ATP10D: variants seen among roughly 807,000 people sequenced by gnomAD.
ATP10D encodes ATPase phospholipid transporting 10D (putative).
In ATP10D, 89 loss-of-function variants were observed where a neutral mutation model predicts 144.8. The observed-to-expected ratio is 0.61, with a 90% CI of 0.52 to 0.73. ATP10D has a LOEUF of 0.73. Ranked by LOEUF, ATP10D falls within the 30% of genes least tolerant of loss-of-function variation. The probability of loss-of-function intolerance (pLI) is 0.00; values close to 1 mark genes in which losing one functional copy is unlikely to be tolerated. For synonymous variants in ATP10D, 571 were observed against 615.1 expected, an observed-to-expected ratio of 0.93 and a Z score of 1.06; for missense variants, 1,603 against 1,714.8, an observed-to-expected ratio of 0.93 and a Z score of 1.15.
chr4:47,525,520 T>C lies in ATP10D; in HGVS notation c.691-37T>C, dbSNP rs6447564. On this transcript the variant is annotated intron_variant, in intron 4 of 22. Transcript: ENST00000273859. The stretch of plus-strand genomic sequence containing the variant: ...ACACTTCAATATTAAGGGTTTAACC[T>C]TGAATTCTTATTTTGTGATTCAAAA... The C allele has an allele frequency of 3.4e-6, 5 of 1,454,652 alleles. No homozygotes were observed. In the South Asian group the frequency reaches 5.7e-5, roughly 17 times the overall value. The allele number at this position is 1,454,652 out of a possible 1,614,324, so 90.1% of individuals were successfully genotyped here.
chr4:47,525,752 G>T, intron 5 of ATP10D, 110 bp downstream of exon 5: 1 of 907,836 alleles, frequency 1.1e-6, no homozygotes, highest in Non-Finnish European at 1.7e-6. Context: ...ATCACTAAAG[G>T]TCGTAACTTT....
chr4:47,493,841 GCT>G (rs1294600631), intron 1 of ATP10D, among the ~76,000 whole-genome samples: 3 of 152,148 alleles, frequency 2.0e-5, no homozygotes, highest in Non-Finnish European at 1.5e-5. Context: ...GTTTTAACAA[GCT>G]CTCTTTGTGA....
In ATP10D at chr4:47,568,900, C is replaced by A. The variant is rs1409139438; in HGVS notation, c.2917C>A (p.Pro973Thr). ...ACTTCAGAAGAAAACTCAAGCCCTG[C>A]CAGAGCAAGTGTCATTAAGTGAAGA... The part of the protein sequence containing the change: ...KELQKKTQAL[P>T]EQVSLSEDLL... Residue 973 changes from proline to threonine, a missense_variant, in exon 16 of 23, where the codon CCA (proline) becomes ACA (threonine). Transcript: ENST00000273859. 16 of 1,614,042 alleles carry A rather than the reference C, an allele frequency of 9.9e-6. No individual in the cohort carries two copies. Among genetic ancestry groups the A allele is most frequent in the Non-Finnish European group, 1.3e-5 (15 of 1,180,032 alleles).
intron 5 of ATP10D, among the ~76,000 whole-genome samples, chr4:47,528,511 GTGTA>G (rs1262590870): frequency 6.1e-5 from 5 of 82,012 alleles, no homozygotes; most frequent in African/African-American, 2.9e-4. Flanking sequence ...GTGTGTGTGT[GTGTA>G]TATATATATA....
rs58697938 is a variant in ATP10D, at chr4:47,536,591, A to C, written c.1143+27A>C. ...TAATTTTTTATCAAGCTTATGGTAG[A>C]ATTTTAACATCTTTGCTGCTTATCC... On this transcript the variant is annotated intron_variant, in intron 8 of 22. Coordinates refer to ENST00000273859, the MANE Select transcript of ATP10D (RefSeq NM_020453.4). 4,339 of 1,608,848 alleles carry C rather than the reference A, an allele frequency of 2.7e-3. 101 individuals carry two copies. The African/African-American group carries it at 0.052, about 19-fold the overall frequency.
chr4:47,559,158 T>C (rs2109449532), intron 13 of ATP10D, 129 bp downstream of exon 13: 1 of 653,450 alleles, frequency 1.5e-6, no homozygotes, highest in East Asian at 2.8e-5. Flanking sequence ...GGCTCTCTTT[T>C]TACCTTCTCT....
chr4:47,514,037 C>T (rs534833164), intron 2 of ATP10D, among the ~76,000 whole-genome samples: 1 of 152,212 alleles, frequency 6.6e-6, no homozygotes, highest in Admixed American at 6.5e-5. Flanking sequence ...GCTGTGATGA[C>T]CAGAAGTACT....
chr4:47,489,645 C>A (rs1042877125), intron 1 of ATP10D, among the ~76,000 whole-genome samples: 2 of 152,116 alleles, frequency 1.3e-5, no homozygotes, highest in African/African-American at 4.8e-5. Context: ...CACAAAGTCC[C>A]CCATCTCCCT....
intron 11 of ATP10D, among the ~76,000 whole-genome samples, chr4:47,555,827 C>T (rs181713657): frequency 2.0e-5 from 3 of 151,684 alleles, no homozygotes; most frequent in African/African-American, 7.3e-5. Flanking sequence ...GATCTCAGCT[C>T]ACTGCACCCT....
intron 10 of ATP10D, 94 bp downstream of exon 10, chr4:47,546,956 T>C: frequency 2.4e-6 from 3 of 1,230,412 alleles, no homozygotes; most frequent in Non-Finnish European, 2.3e-6. Flanking sequence ...TCTGTTGTCT[T>C]TTCTACCTTA....
At chr4:47,543,263 C>T (rs1477937351) in intron 9 of ATP10D, among the ~76,000 whole-genome samples, 2 of 151,972 alleles carry the variant, frequency 1.3e-5, no homozygotes, top group African/African-American at 2.4e-5. Flanking sequence ...CAATACTATC[C>T]GTGGTTTCAG....
chr4:47,541,829 C>G (rs73237092), intron 9 of ATP10D, among the ~76,000 whole-genome samples: 1 of 151,950 alleles, frequency 6.6e-6, no homozygotes. Flanking sequence ...AAAGACAGAT[C>G]GGGGATTAAA....
intron 1 of ATP10D, among the ~76,000 whole-genome samples, chr4:47,488,951 T>C (rs771532370): frequency 4.6e-5 from 7 of 152,212 alleles, no homozygotes; most frequent in Non-Finnish European, 7.3e-5. Flanking sequence ...AGACACAGTA[T>C]CTGCTGGCGC....
At chr4:47,491,726 G>C (rs897701908) in intron 1 of ATP10D, among the ~76,000 whole-genome samples, 1 of 152,052 alleles carries the variant, frequency 6.6e-6, no homozygotes, top group Non-Finnish European at 1.5e-5. Context: ...TTGCCTCCTT[G>C]CCTTTTCTAA....
chr4:47,518,011 C>G (rs1716772845), intron 3 of ATP10D, among the ~76,000 whole-genome samples: 1 of 151,902 alleles, frequency 6.6e-6, no homozygotes, highest in Non-Finnish European at 1.5e-5. Flanking sequence ...TGTTTTTCCC[C>G]CAGATCATTT....
At chr4:47,510,945 G>C (rs1716293239) in intron 1 of ATP10D, among the ~76,000 whole-genome samples, 1 of 152,120 alleles carries the variant, frequency 6.6e-6, no homozygotes, top group African/African-American at 2.4e-5. Context: ...TGTGCATTAT[G>C]TGAAACTAAT....
intron 5 of ATP10D, among the ~76,000 whole-genome samples, chr4:47,533,404 A>T (rs1717671247): frequency 6.6e-6 from 1 of 152,206 alleles, no homozygotes; most frequent in Non-Finnish European, 1.5e-5. Context: ...ATCTGTTAGA[A>T]GAAAGTGCTT....
chr4:47,535,625 G>T lies in ATP10D; in HGVS notation c.883+10G>T, dbSNP rs1455708239. 6.3e-7 allele frequency: 1 copy of T among 1,599,460 alleles called. No individual in the cohort carries two copies. The highest frequency in any genetic ancestry group is 8.5e-7 in the Non-Finnish European group (1 of 1,174,102). On this transcript the variant is annotated intron_variant, in intron 6 of 22. Transcript: ENST00000273859. The stretch of plus-strand genomic sequence containing the variant: ...ATTGTGGTTTATGCAGGTCGGTTAT[G>T]TTTCTAATTTTCATTGTCTACTCTG...
intron 9 of ATP10D, among the ~76,000 whole-genome samples, chr4:47,544,950 AT>A (rs1718335106): frequency 6.6e-6 from 1 of 152,198 alleles, no homozygotes; most frequent in Non-Finnish European, 1.5e-5. Flanking sequence ...TAGAGAAAAT[AT>A]TCACAAATAT....
Sources: gnomAD v4.1 joint callset for allele counts (sites outside exome capture counted in the v4.1 genomes callset) on GRCh38, gnomAD v4.1.1 for gene constraint, MANE v1.5 for transcripts, NCBI Gene and HGNC (gene_info 2026-07-23, HGNC 2026-07-21) for gene names.